Variants in SEMA4D observed in about 807,000 individuals in gnomAD.
The protein encoded by SEMA4D is semaphorin 4D, also known as semaphorin-4D.
A neutral mutation model predicts 74.8 loss-of-function variants in SEMA4D; 22 were observed. The observed-to-expected ratio is 0.29, with a 90% CI of 0.21 to 0.42. The LOEUF is 0.42. Ranked by LOEUF, SEMA4D falls within the 10% of genes least tolerant of loss-of-function variation. SEMA4D has a pLI of 1.00. For synonymous variants in SEMA4D, 445 were observed against 463.7 expected (o/e 0.96, Z 0.52); for missense variants, 937 against 1,118.4 (o/e 0.84, Z 2.31).
intron 1 of SEMA4D, among the ~76,000 whole-genome samples, chr9:89,463,186 A>T (rs562321959): frequency 7.5e-4 from 114 of 152,100 alleles, no homozygotes; most frequent in Middle Eastern, 3.4e-3. Flanking sequence ...GAAAAATGGT[A>T]GACTCATGCC....
chr9:89,441,640 T>C (rs1851680302), intron 2 of SEMA4D, among the ~76,000 whole-genome samples: 1 of 152,214 alleles, frequency 6.6e-6, no homozygotes, highest in Non-Finnish European at 1.5e-5. Flanking sequence ...CACCACCCCA[T>C]GGCTCCTCCT....
At chr9:89,365,871 C>T (rs763720065) in intron 16 of SEMA4D, among the ~76,000 whole-genome samples, 14 of 152,218 alleles carry the variant, frequency 9.2e-5, no homozygotes, top group Non-Finnish European at 1.5e-4. Flanking sequence ...ATGAAGCTGA[C>T]TTTAGTAATG....
intron 11 of SEMA4D, 105 bp downstream of exon 11, chr9:89,388,531 C>A: frequency 7.2e-7 from 1 of 1,388,296 alleles, no homozygotes; most frequent in Non-Finnish European, 9.6e-7. Flanking sequence ...AGAGCCTTGG[C>A]GTGGCCAGGT....
intron 2 of SEMA4D, among the ~76,000 whole-genome samples, chr9:89,434,821 G>A (rs1044968589): frequency 1.3e-5 from 2 of 152,152 alleles, no homozygotes; most frequent in African/African-American, 4.8e-5. Context: ...AAGTCTCCAG[G>A]GCCCTGTCAG....
At chr9:89,461,552 A>G (rs1306159114) in intron 1 of SEMA4D, among the ~76,000 whole-genome samples, 1 of 152,240 alleles carries the variant, frequency 6.6e-6, no homozygotes, top group Admixed American at 6.5e-5. Context: ...TGGGCACCAC[A>G]GGAAGGCTGC....
At chr9:89,480,826 G>A (rs1824580878) in intron 1 of SEMA4D, among the ~76,000 whole-genome samples, 1 of 152,238 alleles carries the variant, frequency 6.6e-6, no homozygotes, top group Non-Finnish European at 1.5e-5. Flanking sequence ...CAAACTGGGG[G>A]AGTGGGCTCC....
Position 89,387,668 on chromosome 9 carries a change from C to T in SEMA4D, c.1108-60G>A, listed in dbSNP as rs954898201. 5 of 1,493,012 alleles carry T rather than the reference C, an allele frequency of 3.3e-6. No individual in the cohort carries two copies. The Admixed American group carries it at 8.6e-5, about 26-fold the overall frequency. The allele number at this position is 1,493,012 out of a possible 1,614,324, so 92.5% of individuals were successfully genotyped here. On this transcript the variant is annotated intron_variant, in intron 11 of 15. Transcript: ENST00000422704. ...GTGTCCCACCACGCAACGGGTGCTTCCACACAAGCAGCCAACGCAGGGGGG... is the reference window on the plus strand; with the variant it reads ...GTGTCCCACCACGCAACGGGTGCTTTCACACAAGCAGCCAACGCAGGGGGG...
intron 2 of SEMA4D, among the ~76,000 whole-genome samples, chr9:89,454,892 G>A (rs1226543959): frequency 6.6e-6 from 1 of 152,250 alleles, no homozygotes; most frequent in Non-Finnish European, 1.5e-5. Flanking sequence ...GCCTAGCACG[G>A]GTGAGGAAGC....
intron 1 of SEMA4D, among the ~76,000 whole-genome samples, chr9:89,487,145 T>C (rs1825258818): frequency 6.7e-6 from 1 of 148,712 alleles, no homozygotes; most frequent in South Asian, 2.1e-4. Context: ...AATATATAAA[T>C]ATATATATAT....
intron 16 of SEMA4D, among the ~76,000 whole-genome samples, chr9:89,371,405 CTG>C (rs1335306959): frequency 3.0e-4 from 11 of 36,584 alleles, no homozygotes; most frequent in Admixed American, 4.0e-4. Context: ...TGGTGTGTGT[CTG>C]GGGTGTGGTG....
At position 89,378,781 on chromosome 9, in the gene SEMA4D, C is replaced by T. The variant is rs762630765; in HGVS notation, c.2512G>A (p.Asp838Asn). The change falls in exon 16 of 16, where the codon GAC becomes AAC. Residue 838 changes from aspartate to asparagine, a missense_variant. Physicochemically the swap from Asp to Asn is conservative, Grantham distance 23 (BLOSUM62 1). Coordinates refer to ENST00000422704, the MANE Select transcript of SEMA4D (RefSeq NM_001371194.2). ...TDREDSQRID[D>N]LSARDKPFDV... is the part of the protein sequence containing the mutation. ...AAGGGCTTGTCCCTGGCAGAAAGGTCGTCGATCCTCTGTGAGTCCTCCCTA... is the reference window on the plus strand; with the variant it reads ...AAGGGCTTGTCCCTGGCAGAAAGGTTGTCGATCCTCTGTGAGTCCTCCCTA... The T allele has an allele frequency of 5.3e-5, 85 of 1,614,078 alleles. No individual in the cohort carries two copies. The highest frequency in any genetic ancestry group is 6.8e-5 in the Non-Finnish European group (80 of 1,180,050).
chr9:89,419,832 G>A (rs557039623), intron 2 of SEMA4D, among the ~76,000 whole-genome samples: 350 of 152,174 alleles, frequency 2.3e-3, no homozygotes, highest in Non-Finnish European at 4.2e-3. Context: ...CAGGAGAATC[G>A]CTTGAACTCA....
At chr9:89,434,940 T>G (rs955601575) in intron 2 of SEMA4D, among the ~76,000 whole-genome samples, 1 of 152,210 alleles carries the variant, frequency 6.6e-6, no homozygotes, top group Non-Finnish European at 1.5e-5. Flanking sequence ...TTCTTGATTT[T>G]TTTCTCCTGA....
chr9:89,497,987 G>A lies in SEMA4D; in HGVS notation c.-378C>T, dbSNP rs185164556. Reference sequence around the variant, plus strand: ...TTCGGGCGCCAGGAATGGCGGCGGCGGCGGCGGCGGCAGCGGCGGGAGGCG... The same window carrying A: ...TTCGGGCGCCAGGAATGGCGGCGGCAGCGGCGGCGGCAGCGGCGGGAGGCG... On this transcript the variant is annotated 5_prime_UTR_variant, in exon 1 of 16. Coordinates refer to ENST00000422704, the MANE Select transcript of SEMA4D (RefSeq NM_001371194.2). The A allele has an allele frequency of 0.18, 26,110 of 146,346 alleles. 2,462 individuals are homozygous for A. Among genetic ancestry groups the A allele is most frequent in the East Asian group, 0.32 (1,604 of 5,016 alleles). The allele number at this position is 146,346 out of a possible 1,614,324, so 9.1% of individuals were successfully genotyped here. A position where few individuals can be genotyped will look rare whatever the true frequency, so the allele number is the denominator to read the frequency against.
At chr9:89,427,629 C>A (rs73654787) in intron 2 of SEMA4D, among the ~76,000 whole-genome samples, 3 of 152,066 alleles carry the variant, frequency 2.0e-5, no homozygotes, top group African/African-American at 2.4e-5. Flanking sequence ...CTCTCCACCC[C>A]CCGGTCAGCA....
At chr9:89,405,936 C>CA in intron 2 of SEMA4D, 5 of 1,168,626 alleles carry the variant, frequency 4.3e-6, no homozygotes, top group Non-Finnish European at 5.3e-6. Flanking sequence ...CAGCCCAGAA[C>CA]ACAGGACAGA....
chr9:89,373,041 G>C (rs1463011967), downstream of SEMA4D, among the ~76,000 whole-genome samples: 3 of 152,106 alleles, frequency 2.0e-5, no homozygotes, highest in African/African-American at 7.2e-5. Context: ...TCCTGACACA[G>C]GCCCACAGGT....
At chr9:89,431,430 A>G (rs1455211260) in intron 2 of SEMA4D, among the ~76,000 whole-genome samples, 7 of 152,198 alleles carry the variant, frequency 4.6e-5, no homozygotes, top group African/African-American at 1.7e-4. Context: ...ATTTTCCTGT[A>G]TCTTCCAAAT....
chr9:89,412,584 C>A (rs1220783156), intron 2 of SEMA4D, among the ~76,000 whole-genome samples: 2 of 152,236 alleles, frequency 1.3e-5, no homozygotes, highest in Non-Finnish European at 2.9e-5. Context: ...GGCTTCCAGG[C>A]CCTGCCCTGA....
Sources: allele counts gnomAD v4.1 joint callset (sites outside exome capture counted in the v4.1 genomes callset), GRCh38; gene constraint gnomAD v4.1.1; transcripts MANE v1.5; gene names NCBI Gene and HGNC (gene_info 2026-07-23, HGNC 2026-07-21).